Variants in ARB2A observed in about 807,000 individuals in gnomAD.
The protein encoded by ARB2A is ARB2 cotranscriptional regulator A, also known as cotranscriptional regulator ARB2A.
chr5:93,734,169 A>G, the ARB2A span: 11 of 152,202 alleles, frequency 7.2e-5, no homozygotes, highest in African/African-American at 2.7e-4. Flanking sequence ...TTATGATAAG[A>G]TTTTAATTAA....
At chr5:94,095,596 G>A in the ARB2A span, among the ~76,000 whole-genome samples, 1 of 151,374 alleles carries the variant, frequency 6.6e-6, no homozygotes, top group African/African-American at 2.4e-5. Context: ...TATCTAGAAT[G>A]TCTTTCTGCT....
chr5:93,979,280 G>A, the ARB2A span, among the ~76,000 whole-genome samples: 1 of 152,244 alleles, frequency 6.6e-6, no homozygotes, highest in Non-Finnish European at 1.5e-5. Flanking sequence ...CCCCAGTGCA[G>A]TATGTTAGGA....
At chr5:94,089,632 C>CACACAT in the ARB2A span, among the ~76,000 whole-genome samples, 2 of 151,682 alleles carry the variant, frequency 1.3e-5, no homozygotes, top group Non-Finnish European at 2.9e-5. Flanking sequence ...CACACACACA[C>CACACAT]ACACACACAC....
the ARB2A span, among the ~76,000 whole-genome samples, chr5:93,773,702 G>A: frequency 6.6e-6 from 1 of 152,136 alleles, no homozygotes; most frequent in African/African-American, 2.4e-5. Flanking sequence ...TTTTCCAACA[G>A]CATGTGCTCA....
At chr5:94,108,224 T>A in the ARB2A span, among the ~76,000 whole-genome samples, 1 of 152,042 alleles carries the variant, frequency 6.6e-6, no homozygotes, top group Admixed American at 6.6e-5. Flanking sequence ...CGACATCTAC[T>A]ACACAGGCAC....
chr5:93,803,780 A>G, the ARB2A span, among the ~76,000 whole-genome samples: 1 of 151,786 alleles, frequency 6.6e-6, no homozygotes, highest in Non-Finnish European at 1.5e-5. Flanking sequence ...TTAACCCAAA[A>G]TATTTCTATG....
At chr5:93,806,718 C>T in the ARB2A span, among the ~76,000 whole-genome samples, 1 of 151,818 alleles carries the variant, frequency 6.6e-6, no homozygotes, top group Non-Finnish European at 1.5e-5. Flanking sequence ...ATTTTAGTAT[C>T]AAATTTTACA....
the ARB2A span, among the ~76,000 whole-genome samples, chr5:93,763,249 G>T: frequency 1.1e-4 from 16 of 152,244 alleles, 1 homozygote; most frequent in South Asian, 2.9e-3. Context: ...GACACAGACT[G>T]GCAAATTGGA....
chr5:94,110,074 C>T, the ARB2A span, among the ~76,000 whole-genome samples: 2 of 151,798 alleles, frequency 1.3e-5, no homozygotes, highest in Admixed American at 1.3e-4. Context: ...TTAGTAGAGA[C>T]GGGGTTCACC....
At chr5:93,932,771 G>A in the ARB2A span, among the ~76,000 whole-genome samples, 1 of 152,094 alleles carries the variant, frequency 6.6e-6, no homozygotes, top group Non-Finnish European at 1.5e-5. Context: ...TATGTGCCCT[G>A]CCCTATATGT....
chr5:93,674,509 G>C, the ARB2A span, among the ~76,000 whole-genome samples: 1 of 152,184 alleles, frequency 6.6e-6, no homozygotes, highest in Non-Finnish European at 1.5e-5. Context: ...GAGGTATATT[G>C]AATTTAGAAA....
the ARB2A span, chr5:94,050,608 A>AC: frequency 2.0e-5 from 15 of 746,816 alleles, no homozygotes; most frequent in Non-Finnish European, 2.7e-5. Context: ...AAAAAAAAAA[A>AC]ACAAAAACCT....
chr5:93,762,316 G>A, the ARB2A span, among the ~76,000 whole-genome samples: 9 of 152,240 alleles, frequency 5.9e-5, no homozygotes, highest in African/African-American at 1.9e-4. Context: ...AAAATTAGAC[G>A]AATGGCTGAC....
At chr5:93,740,990 C>T in the ARB2A span, 1 of 1,613,910 alleles carries the variant, frequency 6.2e-7, no homozygotes, top group African/African-American at 1.3e-5. Context: ...TTCTCTGCTT[C>T]CACTTCCTTC....
At chr5:94,098,711 A>G in the ARB2A span, among the ~76,000 whole-genome samples, 6 of 152,142 alleles carry the variant, frequency 3.9e-5, no homozygotes, top group Admixed American at 3.9e-4. Context: ...TTTGAAAAAA[A>G]TAATAAAATA....
the ARB2A span, among the ~76,000 whole-genome samples, chr5:93,713,189 A>G: frequency 3.3e-5 from 5 of 152,224 alleles, no homozygotes; most frequent in Non-Finnish European, 7.3e-5. Flanking sequence ...AGGCAATCAA[A>G]GCAAAAATGG....
chr5:93,653,511 C>A, the ARB2A span, among the ~76,000 whole-genome samples: 3 of 31,400 alleles, frequency 9.6e-5, no homozygotes, highest in African/African-American at 1.2e-4. Context: ...GACTCCGTCT[C>A]AAAAAAAAAA....
chr5:94,036,079 C>T, the ARB2A span, among the ~76,000 whole-genome samples: 9 of 151,724 alleles, frequency 5.9e-5, no homozygotes, highest in South Asian at 1.2e-3. Context: ...GTTTTTATCC[C>T]GAGGATATAT....
the ARB2A span, among the ~76,000 whole-genome samples, chr5:93,851,415 T>C: frequency 3.3e-5 from 5 of 152,202 alleles, no homozygotes; most frequent in African/African-American, 1.2e-4. Flanking sequence ...CATAGAGATA[T>C]GAACAGCAGC....
Sources: gnomAD v4.1 joint callset for allele counts (sites outside exome capture counted in the v4.1 genomes callset) on GRCh38, gnomAD v4.1.1 for gene constraint, MANE v1.5 for transcripts, NCBI Gene and HGNC (gene_info 2026-07-23, HGNC 2026-07-21) for gene names.